Variants in SCFD1 observed in about 807,000 individuals in gnomAD.
SCFD1 encodes the protein sec1 family domain containing 1, also known as sec1 family domain-containing protein 1.
SCFD1 carries 37 observed loss-of-function variants against 103.2 expected under a neutral mutation model. The ratio of observed to expected loss-of-function variants is 0.36; its 90% CI spans 0.28 to 0.47. The LOEUF (loss-of-function observed/expected upper bound fraction) is 0.47. Ranked by LOEUF, SCFD1 falls within the 20% of genes least tolerant of loss-of-function variation. The pLI is 1.00. For missense variants in SCFD1, 639 were observed against 761.2 expected, an observed-to-expected ratio of 0.84 and a Z score of 1.89; for synonymous variants, 264 against 245.0, an observed-to-expected ratio of 1.08 and a Z score of -0.73.
At chr14:30,681,919 A>G (rs78164538) in intron 14 of SCFD1, among the ~76,000 whole-genome samples, 6 of 152,212 alleles carry the variant, frequency 3.9e-5, no homozygotes, top group Admixed American at 3.3e-4. Flanking sequence ...GAGCAGTTCT[A>G]TGAGTTACCA....
Position 30,639,875 on chromosome 14 carries a change from A to AT in SCFD1, c.523+12dup, listed in dbSNP as rs1259480777. 1.3e-6 allele frequency: 2 copies of AT among 1,574,322 alleles called. No individual in the cohort carries two copies. Among genetic ancestry groups the AT allele is most frequent in the African/African-American group, 2.7e-5 (2 of 73,296 alleles). On this transcript the variant is annotated intron_variant, in intron 6 of 24. Coordinates refer to ENST00000458591, the MANE Select transcript of SCFD1 (RefSeq NM_016106.4). ...TTGTTTCATATCGTGGTATGTAAAA[A>AT]TAGAAATGTTGCAATTCTTTGTTAA... is the stretch of plus-strand genomic sequence containing the variant.
chr14:30,669,680 A>G (rs1054581940), intron 10 of SCFD1: 4 of 152,190 alleles, frequency 2.6e-5, no homozygotes, highest in African/African-American at 9.7e-5. Context: ...ACTTATTATT[A>G]TAGCATCTAT....
At chr14:30,628,361 T>C in intron 2 of SCFD1, 82 bp downstream of exon 2, 2 of 834,116 alleles carry the variant, frequency 2.4e-6, no homozygotes, top group Non-Finnish European at 3.9e-6. Flanking sequence ...TATTGTAATA[T>C]GGAAGAAGTA....
intron 7 of SCFD1, among the ~76,000 whole-genome samples, chr14:30,647,935 GC>G (rs1212864369): frequency 6.6e-6 from 1 of 152,200 alleles, no homozygotes; most frequent in African/African-American, 2.4e-5. Context: ...ACAGGCATGA[GC>G]CACCATGCCC....
intron 21 of SCFD1, among the ~76,000 whole-genome samples, chr14:30,720,636 A>G (rs75232920): frequency 0.015 from 2,222 of 152,250 alleles, 50 homozygotes; most frequent in African/African-American, 0.051. Flanking sequence ...TCTCTAAGCA[A>G]TACCTAATAC....
intron 14 of SCFD1, among the ~76,000 whole-genome samples, chr14:30,690,864 A>G (rs961541816): frequency 2.0e-5 from 3 of 152,228 alleles, no homozygotes; most frequent in East Asian, 1.9e-4. Context: ...TATTGAAGCT[A>G]CTGAAGAATC....
chr14:30,679,846 A>T (rs1050630098), intron 14 of SCFD1, among the ~76,000 whole-genome samples: 10 of 152,206 alleles, frequency 6.6e-5, no homozygotes, highest in African/African-American at 2.4e-4. Flanking sequence ...ATATCAAGTG[A>T]AAGTTCTTAT....
chr14:30,628,646 G>A (rs536297676), intron 2 of SCFD1, among the ~76,000 whole-genome samples: 3 of 152,272 alleles, frequency 2.0e-5, no homozygotes, highest in African/African-American at 7.2e-5. Context: ...AAACTCATGA[G>A]AAAATGATCT....
At chr14:30,674,919 T>C in intron 13 of SCFD1, 65 bp from the exon 14 acceptor site, 1 of 876,672 alleles carries the variant, frequency 1.1e-6, no homozygotes, top group South Asian at 1.8e-5. Context: ...ACACCAGGCA[T>C]GAGATAAAGT....
intron 14 of SCFD1, chr14:30,676,608 C>A (rs1475206686): frequency 6.6e-6 from 1 of 152,020 alleles, no homozygotes; most frequent in Non-Finnish European, 1.5e-5. Context: ...ATAAGAAGTG[C>A]AAAGGCCCTA....
At chr14:30,628,139 G>A (rs2273522) in intron 1 of SCFD1, 70 bp from the exon 2 acceptor site, 289,739 of 1,132,508 alleles carry the variant, frequency 0.26, 40,935 homozygotes, top group East Asian at 0.6. Context: ...TTGGGGTAGT[G>A]AATGATGATG....
intron 23 of SCFD1, among the ~76,000 whole-genome samples, chr14:30,730,630 G>A (rs909421603): frequency 3.5e-4 from 53 of 152,222 alleles, no homozygotes; most frequent in African/African-American, 1.3e-3. Flanking sequence ...ACTTTTTCAT[G>A]TGTCTGTTGG....
intron 19 of SCFD1, among the ~76,000 whole-genome samples, chr14:30,708,577 T>A (rs998770202): frequency 6.6e-6 from 1 of 152,216 alleles, no homozygotes; most frequent in Non-Finnish European, 1.5e-5. Context: ...ACATTTTGAT[T>A]TGTATTTACC....
At chr14:30,643,535 A>G (rs1885501737) in intron 7 of SCFD1, 130 bp downstream of exon 7, 1 of 651,274 alleles carries the variant, frequency 1.5e-6, no homozygotes, top group South Asian at 1.9e-5. Context: ...GGAGTAAAAT[A>G]TATATTCAAT....
intron 2 of SCFD1, 76 bp downstream of exon 2, chr14:30,628,355 G>A: frequency 1.1e-6 from 1 of 900,902 alleles, no homozygotes; most frequent in Non-Finnish European, 1.8e-6. Context: ...GGAATTTATT[G>A]TAATATGGAA....
chr14:30,640,664 A>C lies in SCFD1; in HGVS notation c.523+800A>C, dbSNP rs77307536. On this transcript the variant is annotated intron_variant, in intron 6 of 24. Transcript: ENST00000458591. ...CTTAAACATTTTAAATTTTATTAAT[A>C]AATTCAGAATATTAAGTGGTTTTTT... 1.3e-3 allele frequency among the ~76,000 whole-genome samples: 198 copies of C among 152,100 alleles called. 1 individual carries two copies. The East Asian group carries it at 0.029, about 22-fold the overall frequency.
intron 7 of SCFD1, chr14:30,643,842 T>A (rs1317233582): frequency 2.3e-6 from 1 of 427,102 alleles, no homozygotes. Context: ...CTTCAAATTT[T>A]ATTTTTAATT....
intron 4 of SCFD1, chr14:30,635,022 A>G (rs139118361): frequency 2.2e-6 from 1 of 454,832 alleles, no homozygotes; most frequent in East Asian, 6.9e-5. Flanking sequence ...GGAGAAAAGT[A>G]GATATTGGAT....
At chr14:30,672,459 G>C (rs547379654) in intron 11 of SCFD1, among the ~76,000 whole-genome samples, 4 of 152,138 alleles carry the variant, frequency 2.6e-5, no homozygotes, top group African/African-American at 4.8e-5. Context: ...GCTGAGGAAG[G>C]GGGGAAAGGT....
Sources: gnomAD v4.1 joint callset for allele counts (sites outside exome capture counted in the v4.1 genomes callset) on GRCh38, gnomAD v4.1.1 for gene constraint, MANE v1.5 for transcripts, NCBI Gene and HGNC (gene_info 2026-07-23, HGNC 2026-07-21) for gene names.